APBB1IP: variants seen among roughly 807,000 people sequenced by gnomAD.
APBB1IP encodes amyloid beta A4 precursor protein-binding family B member 1-interacting protein.
Under a neutral mutation model 64.9 loss-of-function variants are expected in APBB1IP, and 27 were observed. The observed-to-expected ratio is 0.42, with a 90% CI of 0.31 to 0.57. The LOEUF (loss-of-function observed/expected upper bound fraction) is 0.57, where lower values mean the gene tolerates loss of function less well. Ranked by LOEUF, APBB1IP falls within the 20% of genes least tolerant of loss-of-function variation. APBB1IP has a pLI of 0.20. For synonymous variants in APBB1IP, 392 were observed against 331.0 expected (o/e 1.18, Z -2.00); for missense variants, 812 against 845.5 (o/e 0.96, Z 0.49).
chr10:26,516,530 CA>C (rs538723702), intron 8 of APBB1IP, among the ~76,000 whole-genome samples: 531 of 33,334 alleles, frequency 0.016, 5 homozygotes, highest in African/African-American at 0.089. Flanking sequence ...GGTGACAGAG[CA>C]AGACTCCATC....
intron 4 of APBB1IP, among the ~76,000 whole-genome samples, chr10:26,498,413 G>A (rs111521957): frequency 0.025 from 3,791 of 152,086 alleles, 134 homozygotes; most frequent in African/African-American, 0.079. Context: ...GGAGGCTGAG[G>A]GACGAAAATC....
intron 2 of APBB1IP, among the ~76,000 whole-genome samples, chr10:26,455,527 GAAT>G (rs1835514583): frequency 6.9e-6 from 1 of 144,404 alleles, no homozygotes; most frequent in African/African-American, 2.6e-5. Flanking sequence ...AAAAAAAAAA[GAAT>G]AATAATAATA....
chr10:26,484,287 G>T (rs1314344008), intron 2 of APBB1IP, among the ~76,000 whole-genome samples: 2 of 150,792 alleles, frequency 1.3e-5, no homozygotes, highest in Non-Finnish European at 2.9e-5. Context: ...AAGTTGTTAG[G>T]ACCACTTGTT....
At position 26,497,376 on chromosome 10, in the gene APBB1IP, C is replaced by T. The variant is rs554524129; in HGVS notation, c.160+985C>T. On this transcript the variant is annotated intron_variant, in intron 4 of 14. Transcript: ENST00000376236. The stretch of plus-strand genomic sequence containing the variant: ...ACCATCCTGGCTAACACGGTGAAAC[C>T]CCATCTCTACTAAAAATACAAAAAA... Among the ~76,000 whole-genome samples, 16 of 151,522 alleles carry T rather than the reference C, an allele frequency of 1.1e-4. No homozygotes were observed. In the East Asian group the frequency reaches 3.1e-3, roughly 30 times the overall value.
chr10:26,556,173 G>A (rs532345492), intron 11 of APBB1IP, among the ~76,000 whole-genome samples: 271 of 152,246 alleles, frequency 1.8e-3, no homozygotes, highest in Admixed American at 3.9e-3. Context: ...AATCAATTGC[G>A]AAAGAGCCTG....
chr10:26,443,063 GCTAT>G lies in APBB1IP; in HGVS notation c.-1+4213_-1+4216del, dbSNP rs761523064. On this transcript the variant is annotated intron_variant, in intron 2 of 14. Coordinates refer to ENST00000376236, the MANE Select transcript of APBB1IP (RefSeq NM_019043.4). ...TAATAGTAAGTACCACGGAAATTGTGCTATCTTAGACATTGATAAAGTGACCAAG... is the reference window on the plus strand; with the variant it reads ...TAATAGTAAGTACCACGGAAATTGTGCTTAGACATTGATAAAGTGACCAAG... Among the ~76,000 whole-genome samples, 244 of 152,236 alleles carry G rather than the reference GCTAT, an allele frequency of 1.6e-3. 1 individual carries two copies. Among genetic ancestry groups the G allele is most frequent in the Non-Finnish European group, 1.1e-3 (73 of 68,002 alleles).
At position 26,496,023 on chromosome 10, in the gene APBB1IP, C is replaced by T. The variant is rs190335497; in HGVS notation, c.73-281C>T. On this transcript the variant is annotated intron_variant, in intron 3 of 14. Coordinates refer to ENST00000376236, the MANE Select transcript of APBB1IP (RefSeq NM_019043.4). ...TATATAGTGTGTGTGTTCACCATTA[C>T]AAGAAATTATGTGTTCTTTATAAAA... Among the ~76,000 whole-genome samples, 237 of 144,952 alleles carry T rather than the reference C, an allele frequency of 1.6e-3. 4 individuals are homozygous for T. Among genetic ancestry groups the T allele is most frequent in the Non-Finnish European group, 7.5e-4 (50 of 66,946 alleles).
intron 2 of APBB1IP, among the ~76,000 whole-genome samples, chr10:26,468,908 T>A (rs1835678495): frequency 6.6e-6 from 1 of 152,140 alleles, no homozygotes; most frequent in Non-Finnish European, 1.5e-5. Context: ...CCCACAGGCT[T>A]ATGCACTGCT....
chr10:26,458,067 G>C (rs1054687439), intron 2 of APBB1IP, among the ~76,000 whole-genome samples: 10 of 152,104 alleles, frequency 6.6e-5, no homozygotes, highest in African/African-American at 2.4e-4. Context: ...GAAAGTGCAA[G>C]GACTTAATGA....
At chr10:26,480,188 T>C (rs1835818606) in intron 2 of APBB1IP, among the ~76,000 whole-genome samples, 2 of 152,110 alleles carry the variant, frequency 1.3e-5, no homozygotes, top group African/African-American at 4.8e-5. Flanking sequence ...GTCCACGAAA[T>C]GCATCATGGG....
chr10:26,536,638 C>T (rs1374005250), intron 10 of APBB1IP, among the ~76,000 whole-genome samples: 2 of 148,008 alleles, frequency 1.4e-5, no homozygotes, highest in African/African-American at 5.0e-5. Context: ...AATCCACAGG[C>T]TGGGGTACAG....
At chr10:26,534,294 C>CAAAAAA (rs71403804) in intron 9 of APBB1IP, among the ~76,000 whole-genome samples, 7 of 58,670 alleles carry the variant, frequency 1.2e-4, no homozygotes, top group Admixed American at 2.5e-4. Flanking sequence ...GATCCAGTCT[C>CAAAAAA]AAAAAAAAAA....
At chr10:26,490,396 G>A (rs1273651972) in intron 2 of APBB1IP, among the ~76,000 whole-genome samples, 6 of 152,090 alleles carry the variant, frequency 3.9e-5, no homozygotes, top group South Asian at 2.1e-4. Flanking sequence ...AAGCAGAGGC[G>A]GGCGGATCAC....
At chr10:26,535,903 T>C (rs925566237) in intron 9 of APBB1IP, among the ~76,000 whole-genome samples, 171 bp from the exon 10 acceptor site, 4 of 152,352 alleles carry the variant, frequency 2.6e-5, no homozygotes, top group African/African-American at 9.6e-5. Context: ...CGATGTGTTA[T>C]TCTTCCTCTC....
At chr10:26,524,108 T>C (rs1388838419) in intron 8 of APBB1IP, among the ~76,000 whole-genome samples, 1 of 151,990 alleles carries the variant, frequency 6.6e-6, no homozygotes, top group Non-Finnish European at 1.5e-5. Context: ...TCTGTGACCT[T>C]CTCCCACCCT....
chr10:26,472,399 C>T (rs143426918), intron 2 of APBB1IP, among the ~76,000 whole-genome samples: 2 of 152,176 alleles, frequency 1.3e-5, no homozygotes, highest in African/African-American at 4.8e-5. Flanking sequence ...ATGGACCCAC[C>T]TTCTCCTCAT....
intron 2 of APBB1IP, among the ~76,000 whole-genome samples, chr10:26,456,351 G>C (rs1300328398): frequency 6.6e-6 from 1 of 152,152 alleles, no homozygotes; most frequent in Non-Finnish European, 1.5e-5. Flanking sequence ...GAATTATAGG[G>C]AAAATAGCAG....
chr10:26,501,152 T>A, intron 5 of APBB1IP, 41 bp downstream of exon 5: 1 of 1,612,138 alleles, frequency 6.2e-7, no homozygotes. Flanking sequence ...CATCAACCTC[T>A]GCTACCTATC....
intron 11 of APBB1IP, among the ~76,000 whole-genome samples, chr10:26,552,745 A>C (rs1359972269): frequency 6.6e-6 from 1 of 151,854 alleles, no homozygotes; most frequent in Non-Finnish European, 1.5e-5. Flanking sequence ...CTACCTCCTG[A>C]CTCTCCATCT....
Sources: allele counts gnomAD v4.1 joint callset (sites outside exome capture counted in the v4.1 genomes callset), GRCh38; gene constraint gnomAD v4.1.1; transcripts MANE v1.5; gene names NCBI Gene and HGNC (gene_info 2026-07-23, HGNC 2026-07-21).